SLC38A6: variants seen among roughly 807,000 people sequenced by gnomAD.
SLC38A6 encodes the protein solute carrier family 38 member 6, also known as N system amino acid transporter NAT-1.
Under a neutral mutation model 65.0 loss-of-function variants are expected in SLC38A6, and 73 were observed. That is an observed-to-expected ratio of 1.12 (90% CI 0.93 to 1.37). The LOEUF is 1.37. Among genes scored for constraint, SLC38A6 ranks in the 40% most tolerant of loss-of-function variants. The pLI, the probability that SLC38A6 is intolerant of heterozygous loss-of-function variation, is 0.00. For synonymous variants in SLC38A6, 183 were observed against 178.8 expected, an observed-to-expected ratio of 1.02 and a Z score of -0.19; for missense variants, 561 against 531.1, an observed-to-expected ratio of 1.06 and a Z score of -0.55.
At chr14:61,062,708 C>A (rs1226636950) in intron 15 of SLC38A6, among the ~76,000 whole-genome samples, 1 of 152,072 alleles carries the variant, frequency 6.6e-6, no homozygotes, top group East Asian at 1.9e-4. Context: ...GAGACAGAGT[C>A]TCACTTCCGT....
chr14:61,061,802 G>T (rs2042850741), intron 15 of SLC38A6, among the ~76,000 whole-genome samples: 1 of 148,396 alleles, frequency 6.7e-6, no homozygotes, highest in African/African-American at 2.5e-5. Context: ...AAATAAAGCT[G>T]CTCTAAGCAT....
At position 61,063,039 on chromosome 14, in the gene SLC38A6, G is replaced by A. The variant is rs116217731; in HGVS notation, c.1290+10904G>A. Among the ~76,000 whole-genome samples the A allele has an allele frequency of 5.5e-3, 833 of 152,168 alleles. 14 individuals carry two copies. The highest frequency in any genetic ancestry group is 0.019 in the African/African-American group (798 of 41,492). On this transcript the variant is annotated intron_variant, in intron 15 of 16. Transcript: ENST00000354886. ...TTTTTTCCCCATTTTGTGGCTTGCT[G>A]TTTTATTCTCTTAACAGTGTCTTTC...
At chr14:61,066,810 T>C (rs1463200883) in intron 15 of SLC38A6, among the ~76,000 whole-genome samples, 1 of 152,170 alleles carries the variant, frequency 6.6e-6, no homozygotes, top group Non-Finnish European at 1.5e-5. Flanking sequence ...ACCCGTGCAG[T>C]TGAAACCCAT....
intron 5 of SLC38A6, among the ~76,000 whole-genome samples, chr14:61,028,877 C>T (rs1489301799): frequency 1.3e-5 from 2 of 152,116 alleles, no homozygotes; most frequent in East Asian, 1.9e-4. Context: ...CAAATTTACA[C>T]GCAAAGTAGC....
chr14:60,999,359 A>C (rs2038537898), intron 3 of SLC38A6, among the ~76,000 whole-genome samples: 2 of 152,220 alleles, frequency 1.3e-5, no homozygotes, highest in Admixed American at 6.5e-5. Context: ...AGTAATGATA[A>C]TGGAATAAAG....
At chr14:61,022,973 A>G (rs936735289) in intron 5 of SLC38A6, among the ~76,000 whole-genome samples, 6 of 152,190 alleles carry the variant, frequency 3.9e-5, no homozygotes, top group African/African-American at 1.4e-4. Flanking sequence ...AAAAGATTAA[A>G]TGTTGAAGAT....
intron 7 of SLC38A6, among the ~76,000 whole-genome samples, chr14:61,037,401 C>T (rs566041497): frequency 1.3e-5 from 2 of 152,230 alleles, no homozygotes; most frequent in Non-Finnish European, 2.9e-5. Context: ...CATTAAAGAG[C>T]AGCCTTTCCT....
intron 5 of SLC38A6, among the ~76,000 whole-genome samples, chr14:61,028,322 A>G (rs1445134328): frequency 6.6e-6 from 1 of 152,164 alleles, no homozygotes; most frequent in African/African-American, 2.4e-5. Context: ...ATTACATTTT[A>G]TAGGAAGTCT....
intron 3 of SLC38A6, among the ~76,000 whole-genome samples, chr14:61,013,395 G>A (rs539536827): frequency 1.3e-4 from 20 of 152,220 alleles, no homozygotes; most frequent in South Asian, 1.0e-3. Context: ...TTTAAGGTTA[G>A]TATTGTTATG....
Position 61,050,498 on chromosome 14 carries a change from T to A in SLC38A6, c.926-14T>A. On this transcript the variant is annotated splice_polypyrimidine_tract_variant and intron_variant, in intron 12 of 15. Transcript: ENST00000267488. ...TAGTACTTTATAATGTGATCCTTAT[T>A]ATTTTATTTACAGACAAAGTGGAGT... The A allele has an allele frequency of 6.8e-7, 1 of 1,478,352 alleles. No individual in the cohort carries two copies. The highest frequency in any genetic ancestry group is 9.3e-7 in the Non-Finnish European group (1 of 1,080,230). 91.6% of individuals were successfully genotyped at this position (1,478,352 alleles called of 1,614,324 possible). A position where few individuals can be genotyped will look rare whatever the true frequency, so the allele number is the denominator to read the frequency against.
intron 3 of SLC38A6, among the ~76,000 whole-genome samples, chr14:61,013,941 G>A (rs1419464599): frequency 4.6e-5 from 7 of 152,142 alleles, no homozygotes; most frequent in East Asian, 1.9e-4. Flanking sequence ...GCCTTGCTAG[G>A]CTGGGGAAGT....
Position 61,043,485 on chromosome 14 carries a change from C to A in SLC38A6, c.726C>A (p.Leu242=), listed in dbSNP as rs777942587. 2 of 1,608,028 alleles carry A rather than the reference C, an allele frequency of 1.2e-6. No individual in the cohort carries two copies. Among genetic ancestry groups the A allele is most frequent in the South Asian group, 2.2e-5 (2 of 89,696 alleles). Residue 242 remains leucine, a synonymous_variant, in exon 10 of 16, where the codon CTC becomes CTA. Transcript: ENST00000267488. ...SNVTDDCKPK[L]FHFSKESAYA... is the part of the protein sequence containing the mutation. Reference sequence around the variant, plus strand: ...TTACAGATGATTGTAAGCCAAAGCTCTTTCATTTCTCCAAAGAGGTGTGTA... The same window carrying A: ...TTACAGATGATTGTAAGCCAAAGCTATTTCATTTCTCCAAAGAGGTGTGTA...
intron 8 of SLC38A6, among the ~76,000 whole-genome samples, chr14:61,042,389 T>C (rs1030792376): frequency 2.6e-5 from 4 of 152,196 alleles, no homozygotes; most frequent in Non-Finnish European, 5.9e-5. Flanking sequence ...GGAGCAAACA[T>C]TTACAGAGTA....
intron 15 of SLC38A6, among the ~76,000 whole-genome samples, chr14:61,062,685 GT>G (rs1451319551): frequency 2.0e-5 from 3 of 151,878 alleles, no homozygotes; most frequent in Non-Finnish European, 4.4e-5. Flanking sequence ...CTGGGGTTTT[GT>G]TTTGTTTTTT....
At chr14:61,073,546 A>C (rs2043300218) in intron 15 of SLC38A6, among the ~76,000 whole-genome samples, 1 of 152,196 alleles carries the variant, frequency 6.6e-6, no homozygotes, top group African/African-American at 2.4e-5. Flanking sequence ...TAATCCTTGG[A>C]TCTATTATCA....
At chr14:61,048,367 C>T in intron 12 of SLC38A6, 1 of 320,794 alleles carries the variant, frequency 3.1e-6, no homozygotes, top group Non-Finnish European at 6.1e-6. Context: ...ACTTAATACC[C>T]TGTTTGACAA....
At chr14:61,037,581 C>T (rs750191665) in intron 7 of SLC38A6, 44 bp from the exon 8 acceptor site, 6 of 1,380,988 alleles carry the variant, frequency 4.3e-6, no homozygotes, top group Middle Eastern at 1.8e-4. Context: ...ACGTTAAAAT[C>T]GCTTTCCTTA....
At chr14:60,983,259 G>A (rs566430160) in intron 2 of SLC38A6, among the ~76,000 whole-genome samples, 65 of 152,286 alleles carry the variant, frequency 4.3e-4, no homozygotes, top group African/African-American at 1.5e-3. Context: ...TGGAGGTCAA[G>A]GCAGGCGGAT....
At position 61,031,813 on chromosome 14, in the gene SLC38A6, A is replaced by G. The variant is rs8022530; in HGVS notation, c.482+1290A>G. Among the ~76,000 whole-genome samples, 542 of 152,094 alleles carry G rather than the reference A, an allele frequency of 3.6e-3. 4 individuals are homozygous for G. Among genetic ancestry groups the G allele is most frequent in the African/African-American group, 0.013 (519 of 41,510 alleles). The stretch of plus-strand genomic sequence containing the variant: ...ATTTTAGGGTTAAGAACTCAAGGCA[A>G]TATGAGGTAGAATAAAGAGGGCTAG... On this transcript the variant is annotated intron_variant, in intron 6 of 15. Coordinates refer to ENST00000267488, the MANE Select transcript of SLC38A6 (RefSeq NM_153811.3).
Sources: allele counts gnomAD v4.1 joint callset (sites outside exome capture counted in the v4.1 genomes callset), GRCh38; gene constraint gnomAD v4.1.1; transcripts MANE v1.5; gene names NCBI Gene and HGNC (gene_info 2026-07-23, HGNC 2026-07-21).